KIRREL3: variants seen among roughly 807,000 people sequenced by gnomAD.
KIRREL3 encodes the protein kirre like nephrin family adhesion molecule 3, also known as kin of IRRE-like protein 3.
KIRREL3 carries 36 observed loss-of-function variants against 89.7 expected under a neutral mutation model. The ratio of observed to expected loss-of-function variants is 0.40; its 90% CI spans 0.31 to 0.53. The LOEUF (loss-of-function observed/expected upper bound fraction) is 0.53. Among genes scored for constraint, KIRREL3 ranks in the 20% least tolerant of loss-of-function variants. The pLI is 0.49. For synonymous variants in KIRREL3, 445 were observed against 441.4 expected (o/e 1.01, Z -0.10); for missense variants, 864 against 1,056.6 (o/e 0.82, Z 2.53).
intron 1 of KIRREL3, among the ~76,000 whole-genome samples, chr11:126,732,485 A>T (rs1948658815): frequency 6.6e-6 from 1 of 152,168 alleles, no homozygotes; most frequent in Non-Finnish European, 1.5e-5. Flanking sequence ...GGTCAACTGG[A>T]CTAGATGACG....
In KIRREL3 at chr11:126,744,550, C is replaced by T. The variant is rs962344884; in HGVS notation, c.56-181638G>A. 2.0e-5 allele frequency among the ~76,000 whole-genome samples: 3 copies of T among 152,122 alleles called. No homozygotes were observed. Among genetic ancestry groups the T allele is most frequent in the African/African-American group, 7.2e-5 (3 of 41,402 alleles). On this transcript the variant is annotated intron_variant, in intron 1 of 16. Transcript: ENST00000525144. The surrounding 1 kb of genome is among the most constrained non-coding windows in gnomAD (Gnocchi z 4.7). Reference sequence around the variant, plus strand: ...GCAGGTATGGAAGAAGCAGCAGAGACCTCAATTTTCAAAGTGTGTATCTGG... The same window carrying T: ...GCAGGTATGGAAGAAGCAGCAGAGATCTCAATTTTCAAAGTGTGTATCTGG...
chr11:126,551,730 A>C lies in KIRREL3; in HGVS notation c.133+11105T>G, dbSNP rs182404514. On this transcript the variant is annotated intron_variant, in intron 2 of 16. Transcript: ENST00000525144. The surrounding 1 kb of genome is among the most constrained non-coding windows in gnomAD (Gnocchi z 4.9). The stretch of plus-strand genomic sequence containing the variant: ...AATGGTGTGACCTCGGCTCACTGCA[A>C]CCTCTCCTGGGTTCAAGCGATTCTC... 8.2e-4 allele frequency among the ~76,000 whole-genome samples: 124 copies of C among 150,968 alleles called. No individual in the cohort carries two copies. The highest frequency in any genetic ancestry group is 2.7e-3 in the African/African-American group (110 of 40,966).
intron 4 of KIRREL3, among the ~76,000 whole-genome samples, chr11:126,505,951 T>G (rs1233589031): frequency 3.3e-5 from 5 of 152,218 alleles, no homozygotes; most frequent in Admixed American, 6.5e-5. Flanking sequence ...GTTGACAGAC[T>G]AGTCCTAAAA....
intron 1 of KIRREL3, among the ~76,000 whole-genome samples, chr11:126,901,333 G>A (rs1385022400): frequency 6.6e-6 from 1 of 151,890 alleles, no homozygotes; most frequent in Non-Finnish European, 1.5e-5. Flanking sequence ...TTCTGTTGAA[G>A]TATTGACAAA....
chr11:126,501,496 T>C lies in KIRREL3; in HGVS notation c.433+19819A>G, dbSNP rs929290731. ...CTACCGCAGCCCGTCCTGGGTCCTG[T>C]TGATGTGCTACACATTGCAGGGAGC... is the stretch of plus-strand genomic sequence containing the variant. On this transcript the variant is annotated intron_variant, in intron 4 of 16. Coordinates refer to ENST00000525144, the MANE Select transcript of KIRREL3 (RefSeq NM_032531.4). This position sits in a 1 kb window ranked among gnomAD's most constrained non-coding sequence, Gnocchi z 5.8. Among the ~76,000 whole-genome samples, 1 of 152,134 alleles carries C rather than the reference T, an allele frequency of 6.6e-6. No individual in the cohort carries two copies. Among genetic ancestry groups the C allele is most frequent in the Non-Finnish European group, 1.5e-5 (1 of 68,008 alleles).
intron 1 of KIRREL3, among the ~76,000 whole-genome samples, chr11:126,823,697 C>A (rs772688919): frequency 1.3e-5 from 2 of 152,110 alleles, no homozygotes; most frequent in Non-Finnish European, 2.9e-5. Flanking sequence ...ATCTTTTCAG[C>A]CACAATAAAT....
At chr11:126,767,612 C>A (rs1179133472) in intron 1 of KIRREL3, among the ~76,000 whole-genome samples, 1 of 152,172 alleles carries the variant, frequency 6.6e-6, no homozygotes, top group African/African-American at 2.4e-5. Context: ...GCACCTTGCC[C>A]AGGGTTCAGG....
At chr11:126,554,933 TATGGATAGACGAG>T (rs1939587797) in intron 2 of KIRREL3, among the ~76,000 whole-genome samples, 1 of 152,162 alleles carries the variant, frequency 6.6e-6, no homozygotes, top group African/African-American at 2.4e-5. Context: ...CATCGGAGAC[TATGGATAGACGAG>T]GCTAACTTCA....
intron 1 of KIRREL3, among the ~76,000 whole-genome samples, chr11:126,800,769 G>T (rs1373176100): frequency 6.6e-6 from 1 of 152,110 alleles, no homozygotes; most frequent in Non-Finnish European, 1.5e-5. Flanking sequence ...AGGCTTTCTG[G>T]CTGCACAGAA....
chr11:126,686,995 G>A lies in KIRREL3; in HGVS notation c.56-124083C>T, dbSNP rs1013925992. Among the ~76,000 whole-genome samples the A allele has an allele frequency of 2.6e-5, 4 of 152,218 alleles. No individual in the cohort carries two copies. The highest frequency in any genetic ancestry group is 9.6e-5 in the African/African-American group (4 of 41,456). ...TGACAGAGATGACATCCCTGGAACT[G>A]CAGTAGAGGAGTATGGCTAGAAGGC... On this transcript the variant is annotated intron_variant, in intron 1 of 16. Coordinates refer to ENST00000525144, the MANE Select transcript of KIRREL3 (RefSeq NM_032531.4). This position sits in a 1 kb window ranked among gnomAD's most constrained non-coding sequence, Gnocchi z 4.7.
At chr11:126,836,409 A>C (rs965542718) in intron 1 of KIRREL3, among the ~76,000 whole-genome samples, 52 of 152,288 alleles carry the variant, frequency 3.4e-4, no homozygotes, top group African/African-American at 1.2e-3. Context: ...TTGTGCCCTT[A>C]CCAGGATTCT....
intron 1 of KIRREL3, among the ~76,000 whole-genome samples, chr11:126,592,887 T>C (rs1015938060): frequency 6.8e-4 from 103 of 152,094 alleles, no homozygotes; most frequent in East Asian, 2.3e-3. Flanking sequence ...AGAGAACCGA[T>C]GCAGGCTGCC....
rs995123407 is a variant in KIRREL3, at chr11:126,587,066, T to C, written c.56-24154A>G. 6.6e-6 allele frequency among the ~76,000 whole-genome samples: 1 copy of C among 151,888 alleles called. No individual in the cohort carries two copies. Among genetic ancestry groups the C allele is most frequent in the Non-Finnish European group, 1.5e-5 (1 of 67,976 alleles). On this transcript the variant is annotated intron_variant, in intron 1 of 16. Transcript: ENST00000525144. This position sits in a 1 kb window ranked among gnomAD's most constrained non-coding sequence, Gnocchi z 5.2. Reference sequence around the variant, plus strand: ...GGGAGCTGGGAGTCAGTGGGAGAGATGAATAAACAGGCAACGACGATGCAG... The same window carrying C: ...GGGAGCTGGGAGTCAGTGGGAGAGACGAATAAACAGGCAACGACGATGCAG...
In KIRREL3 at chr11:126,876,151, A is replaced by G. The variant is rs1945277517; in HGVS notation, c.55+124304T>C. Among the ~76,000 whole-genome samples the G allele has an allele frequency of 6.6e-6, 1 of 152,168 alleles. No homozygotes were observed. Among genetic ancestry groups the G allele is most frequent in the Admixed American group, 6.5e-5 (1 of 15,268 alleles). ...TTCAGAACTTTCTGGCCCCAATACT[A>G]CTAGCTCAACAGACAACTGAAATGA... is the stretch of plus-strand genomic sequence containing the variant. On this transcript the variant is annotated intron_variant, in intron 1 of 16. Coordinates refer to ENST00000525144, the MANE Select transcript of KIRREL3 (RefSeq NM_032531.4). The surrounding 1 kb of genome is among the most constrained non-coding windows in gnomAD (Gnocchi z 4.1).
chr11:126,460,104 G>T (rs561828404), intron 6 of KIRREL3, among the ~76,000 whole-genome samples: 1 of 152,090 alleles, frequency 6.6e-6, no homozygotes, highest in African/African-American at 2.4e-5. Flanking sequence ...GAGGAGGAGC[G>T]GGAGCAGGAG....
intron 1 of KIRREL3, among the ~76,000 whole-genome samples, chr11:126,803,918 C>T (rs539239977): frequency 2.2e-4 from 33 of 152,296 alleles, no homozygotes; most frequent in Non-Finnish European, 3.8e-4. Context: ...AAATTGGAAG[C>T]GGGCCCTTTG....
Position 126,814,957 on chromosome 11 carries a change from G to T in KIRREL3, c.55+185498C>A, listed in dbSNP as rs1951509704. Among the ~76,000 whole-genome samples the T allele has an allele frequency of 6.6e-6, 1 of 152,082 alleles. No individual in the cohort carries two copies. Among genetic ancestry groups the T allele is most frequent in the African/African-American group, 2.4e-5 (1 of 41,418 alleles). On this transcript the variant is annotated intron_variant, in intron 1 of 16. Transcript: ENST00000525144. This position sits in a 1 kb window ranked among gnomAD's most constrained non-coding sequence, Gnocchi z 4.4. ...GTTGAGAGAAAAGAAGAAAGTAAAA[G>T]AAATAAAAAGGTGGATTCCTTTAGG...
intron 1 of KIRREL3, among the ~76,000 whole-genome samples, chr11:126,857,189 G>A (rs560670945): frequency 1.1e-4 from 16 of 152,266 alleles, no homozygotes; most frequent in African/African-American, 3.6e-4. Context: ...CACGATCGAT[G>A]CTCCTCCCAA....
At position 127,000,292 on chromosome 11, in the gene KIRREL3, T is replaced by C. The variant is rs895649960; in HGVS notation, c.55+163A>G. On this transcript the variant is annotated intron_variant, in intron 1 of 16. Transcript: ENST00000525144. This position sits in a 1 kb window ranked among gnomAD's most constrained non-coding sequence, Gnocchi z 7.1. ...AAATAAACAGTACCATTTTGTTGCA[T>C]TCGCAAAGGCGAAGAGGCAATGCCA... 2.0e-5 allele frequency among the ~76,000 whole-genome samples: 3 copies of C among 152,208 alleles called. No homozygotes were observed. The highest frequency in any genetic ancestry group is 7.2e-5 in the African/African-American group (3 of 41,452).
Sources: allele counts gnomAD v4.1 joint callset (sites outside exome capture counted in the v4.1 genomes callset), GRCh38; gene constraint gnomAD v4.1.1; non-coding constraint Gnocchi (gnomAD v3.1); transcripts MANE v1.5; gene names NCBI Gene and HGNC (gene_info 2026-07-23, HGNC 2026-07-21).